The following FOXP2 variants were observed in gnomAD, a reference collection of about 807,000 sequenced individuals.
FOXP2 encodes forkhead box P2.
A neutral mutation model predicts 115.8 loss-of-function variants in FOXP2; 12 were observed. That is an observed-to-expected ratio of 0.10 (90% CI 0.07 to 0.17). FOXP2 has a LOEUF of 0.17. Among genes scored for constraint, FOXP2 ranks in the 10% least tolerant of loss-of-function variants. The pLI, the probability that FOXP2 is intolerant of heterozygous loss-of-function variation, is 1.00. For missense variants in FOXP2, 629 were observed against 843.5 expected (o/e 0.75, Z 3.15); for synonymous variants, 328 against 297.7 (o/e 1.10, Z -1.05).
intron 1 of FOXP2, among the ~76,000 whole-genome samples, chr7:114,280,767 G>T (rs1340330265): frequency 6.6e-6 from 1 of 152,018 alleles, no homozygotes; most frequent in African/African-American, 2.4e-5. Flanking sequence ...AGGGTATTAG[G>T]TTGTGATTCA....
intron 1 of FOXP2, among the ~76,000 whole-genome samples, chr7:114,096,101 A>G (rs901059129): frequency 7.9e-5 from 12 of 152,182 alleles, no homozygotes; most frequent in African/African-American, 2.9e-4. Flanking sequence ...ACATCATGCA[A>G]CATATACATA....
At chr7:114,154,468 A>G (rs982086894) in intron 1 of FOXP2, among the ~76,000 whole-genome samples, 1 of 152,064 alleles carries the variant, frequency 6.6e-6, no homozygotes, top group African/African-American at 2.4e-5. Flanking sequence ...TTAAGTATGA[A>G]TCCATTGATG....
chr7:114,531,489 C>T (rs542026634), intron 2 of FOXP2, among the ~76,000 whole-genome samples: 1 of 151,824 alleles, frequency 6.6e-6, no homozygotes, highest in Non-Finnish European at 1.5e-5. Context: ...AAGTGTTATC[C>T]AGAATACTGG....
chr7:114,598,088 T>A (rs1308307949), intron 3 of FOXP2, among the ~76,000 whole-genome samples: 1 of 152,092 alleles, frequency 6.6e-6, no homozygotes, highest in Non-Finnish European at 1.5e-5. Context: ...CAGAATAAAT[T>A]TTTGCCTTCT....
chr7:114,220,513 T>A (rs1421657838), intron 1 of FOXP2, among the ~76,000 whole-genome samples: 2 of 152,222 alleles, frequency 1.3e-5, no homozygotes, highest in Non-Finnish European at 2.9e-5. Flanking sequence ...AGAATTGACT[T>A]CAAATAAACA....
At chr7:114,300,759 T>A (rs1584619360) in intron 2 of FOXP2, among the ~76,000 whole-genome samples, 1 of 152,034 alleles carries the variant, frequency 6.6e-6, no homozygotes, top group East Asian at 1.9e-4. Flanking sequence ...CTGGAAAGTT[T>A]TTTTTCATTG....
At chr7:114,336,228 G>A (rs77857038) in intron 2 of FOXP2, among the ~76,000 whole-genome samples, 6,693 of 151,122 alleles carry the variant, frequency 0.044, 629 homozygotes, top group East Asian at 0.33. Flanking sequence ...TAATTCATCT[G>A]TGAACTTGTC....
intron 2 of FOXP2, among the ~76,000 whole-genome samples, chr7:114,443,546 A>C (rs1056232844): frequency 6.6e-6 from 1 of 152,076 alleles, no homozygotes; most frequent in Non-Finnish European, 1.5e-5. Context: ...ATAGTACCCT[A>C]TAGATAGTTT....
chr7:114,550,338 G>A (rs761279174), intron 3 of FOXP2, among the ~76,000 whole-genome samples: 1 of 151,802 alleles, frequency 6.6e-6, no homozygotes, highest in Non-Finnish European at 1.5e-5. Context: ...GGATGGTCTC[G>A]ATCCCTTGAC....
intron 2 of FOXP2, among the ~76,000 whole-genome samples, chr7:114,505,747 GT>G (rs1474087223): frequency 2.0e-5 from 3 of 151,418 alleles, no homozygotes; most frequent in Non-Finnish European, 3.0e-5. Flanking sequence ...GGGTTTTTGT[GT>G]GTTCAGAAGG....
chr7:114,453,858 A>C (rs1795172282), intron 2 of FOXP2, among the ~76,000 whole-genome samples: 2 of 152,106 alleles, frequency 1.3e-5, no homozygotes, highest in African/African-American at 4.8e-5. Flanking sequence ...ACCTTATACA[A>C]AAATCAATTC....
chr7:114,653,386 G>C (rs1806392195), intron 9 of FOXP2: 1 of 172,414 alleles, frequency 5.8e-6, no homozygotes, highest in African/African-American at 2.4e-5. Flanking sequence ...TGCAAGTGTA[G>C]ATGCCGACTC....
intron 2 of FOXP2, among the ~76,000 whole-genome samples, chr7:114,328,394 G>A (rs1048028345): frequency 2.6e-5 from 4 of 151,854 alleles, no homozygotes; most frequent in East Asian, 1.9e-4. Context: ...CCGCCACCAC[G>A]CCCGGCAAAT....
intron 2 of FOXP2, among the ~76,000 whole-genome samples, chr7:114,523,002 A>C (rs1798694777): frequency 1.3e-5 from 2 of 151,792 alleles, no homozygotes. Context: ...ATATGATCTA[A>C]ATATAAATGC....
At chr7:114,348,087 AT>A (rs1787049936) in intron 2 of FOXP2, among the ~76,000 whole-genome samples, 1 of 152,094 alleles carries the variant, frequency 6.6e-6, no homozygotes, top group African/African-American at 2.4e-5. Flanking sequence ...TCTTAATATC[AT>A]TCTATTAGAG....
chr7:114,102,192 C>G (rs1323747457), intron 1 of FOXP2, among the ~76,000 whole-genome samples: 1 of 151,824 alleles, frequency 6.6e-6, no homozygotes. Flanking sequence ...GCTTGTATAA[C>G]TCTTGTGTTT....
chr7:114,126,271 A>G (rs1791706235), intron 1 of FOXP2, among the ~76,000 whole-genome samples: 1 of 151,980 alleles, frequency 6.6e-6, no homozygotes, highest in African/African-American at 2.4e-5. Context: ...GTTTATTTAT[A>G]TAAACATTCA....
At chr7:114,168,432 C>T (rs892244613) in intron 1 of FOXP2, among the ~76,000 whole-genome samples, 2 of 152,108 alleles carry the variant, frequency 1.3e-5, no homozygotes, top group African/African-American at 4.8e-5. Context: ...TATGTTTTAG[C>T]AGAGACGGGT....
chr7:114,208,543 TG>T (rs975312411), intron 1 of FOXP2, among the ~76,000 whole-genome samples: 3 of 152,008 alleles, frequency 2.0e-5, no homozygotes, highest in Non-Finnish European at 4.4e-5. Context: ...GGTTTTGAAA[TG>T]TGAGGATATG....
Sources: allele counts gnomAD v4.1 joint callset (sites outside exome capture counted in the v4.1 genomes callset), GRCh38; gene constraint gnomAD v4.1.1; transcripts MANE v1.5; gene names NCBI Gene and HGNC (gene_info 2026-07-23, HGNC 2026-07-21).